ATP6V0A4: variants seen among roughly 807,000 people sequenced by gnomAD.
The protein encoded by ATP6V0A4 is ATPase H+ transporting V0 subunit a4, also known as V-type proton ATPase 116 kDa subunit a 4.
A neutral mutation model predicts 107.3 loss-of-function variants in ATP6V0A4; 86 were observed. The ratio of observed to expected loss-of-function variants is 0.80; its 90% confidence interval spans 0.67 to 0.96. The LOEUF (loss-of-function observed/expected upper bound fraction) is 0.96, where lower values mean the gene tolerates loss of function less well. Ranked by LOEUF, ATP6V0A4 falls within the 40% of genes least tolerant of loss-of-function variation. The pLI is 0.00. For synonymous variants in ATP6V0A4, 353 were observed against 381.4 expected, an observed-to-expected ratio of 0.93 and a Z score of 0.87; for missense variants, 908 against 1,045.6, an observed-to-expected ratio of 0.87 and a Z score of 1.81.
At chr7:138,788,597 C>T (rs1322437217) in intron 1 of ATP6V0A4, among the ~76,000 whole-genome samples, 1 of 152,198 alleles carries the variant, frequency 6.6e-6, no homozygotes, top group African/African-American at 2.4e-5. Flanking sequence ...TCTATAATAT[C>T]CTACTTTCCT....
chr7:138,777,984 G>A (rs1262741659), intron 2 of ATP6V0A4, among the ~76,000 whole-genome samples: 1 of 152,138 alleles, frequency 6.6e-6, no homozygotes, highest in Non-Finnish European at 1.5e-5. Flanking sequence ...CATGTGACAG[G>A]TCGCAATCAA....
At position 138,798,028 on chromosome 7, in the gene ATP6V0A4, A is replaced by T. The variant is rs1808770909; in HGVS notation, c.-121+6T>A. On this transcript the variant is annotated splice_donor_region_variant and intron_variant, in intron 1 of 21. Transcript: ENST00000310018. ...TTCCAGCTCCTGCAGGTGGGAGTCG[A>T]CTCACCTGCAGCAGGCACTCGGCAC... 1 of 1,551,980 alleles carries T rather than the reference A, an allele frequency of 6.4e-7. No individual in the cohort carries two copies. The highest frequency in any genetic ancestry group is 8.7e-7 in the Non-Finnish European group (1 of 1,147,758).
chr7:138,769,078 T>G, intron 4 of ATP6V0A4, 95 bp downstream of exon 4: 1 of 1,588,680 alleles, frequency 6.3e-7, no homozygotes, highest in Non-Finnish European at 8.5e-7. Flanking sequence ...GTATTGCAAA[T>G]AGGGACACAT....
chr7:138,769,801 G>A (rs1807285944), intron 3 of ATP6V0A4, among the ~76,000 whole-genome samples: 1 of 152,192 alleles, frequency 6.6e-6, no homozygotes. Context: ...GTCCTGGCCA[G>A]GTGCAGTTGC....
chr7:138,730,135 C>T (rs528390177), intron 17 of ATP6V0A4, among the ~76,000 whole-genome samples: 3 of 152,282 alleles, frequency 2.0e-5, no homozygotes, highest in South Asian at 2.1e-4. Context: ...CCGCCCGCCT[C>T]GGCCTCCCAA....
intron 5 of ATP6V0A4, 40 bp from the exon 6 acceptor site, chr7:138,763,065 G>A: frequency 6.2e-7 from 1 of 1,611,580 alleles, no homozygotes; most frequent in Non-Finnish European, 8.5e-7. Context: ...AACAGAAAGT[G>A]CTATGACATT....
chr7:138,711,225 T>C (rs2117181524), intron 20 of ATP6V0A4, among the ~76,000 whole-genome samples: 1 of 151,668 alleles, frequency 6.6e-6, no homozygotes, highest in Admixed American at 6.6e-5. Context: ...CTGAGGGGAG[T>C]GAAATCCAAG....
Position 138,755,727 on chromosome 7 carries a change from A to G in ATP6V0A4, c.778T>C (p.Leu260=). ...PEPAVERREM[L]ESVNVRLEDL... ...TCCAGCCTCACATTGACGCTCTCCAACATCTCTCTGCGCTCCACCGCAGGC... is the reference window on the plus strand; with the variant it reads ...TCCAGCCTCACATTGACGCTCTCCAGCATCTCTCTGCGCTCCACCGCAGGC... Residue 260 remains leucine (L), a synonymous_variant, in exon 10 of 22, where the codon TTG becomes CTG. Coordinates refer to ENST00000310018, the MANE Select transcript of ATP6V0A4 (RefSeq NM_020632.3). 1 of 1,613,860 alleles carries G rather than the reference A, an allele frequency of 6.2e-7. No homozygotes were observed. The highest frequency in any genetic ancestry group is 2.2e-5 in the East Asian group (1 of 44,884).
chr7:138,747,408 G>T lies in ATP6V0A4; in HGVS notation c.1320+17C>A, dbSNP rs200641150. On this transcript the variant is annotated intron_variant, in intron 13 of 21. Coordinates refer to ENST00000310018, the MANE Select transcript of ATP6V0A4 (RefSeq NM_020632.3). Reference sequence around the variant, plus strand: ...TTCTGAAAATGAATCAGGGCAAGACGGTCAATGGACACTCACCTCATTGTC... The same window carrying T: ...TTCTGAAAATGAATCAGGGCAAGACTGTCAATGGACACTCACCTCATTGTC... 6.2e-7 allele frequency: 1 copy of T among 1,612,530 alleles called. No individual in the cohort carries two copies. Among genetic ancestry groups the T allele is most frequent in the Non-Finnish European group, 8.5e-7 (1 of 1,178,650 alleles).
chr7:138,780,398 G>A (rs1377876731), intron 2 of ATP6V0A4, among the ~76,000 whole-genome samples: 1 of 152,166 alleles, frequency 6.6e-6, no homozygotes, highest in African/African-American at 2.4e-5. Flanking sequence ...GGCTCAGGTG[G>A]AAATGCCTAC....
intron 1 of ATP6V0A4, among the ~76,000 whole-genome samples, chr7:138,795,735 G>A (rs1808626054): frequency 6.6e-6 from 1 of 152,052 alleles, no homozygotes; most frequent in African/African-American, 2.4e-5. Flanking sequence ...CAACCTCCTG[G>A]GCTCAAGTGA....
Position 138,734,272 on chromosome 7 carries a change from C to CA in ATP6V0A4, c.1573-19dup, listed in dbSNP as rs759013681. 5.6e-6 allele frequency: 9 copies of CA among 1,612,130 alleles called. No homozygotes were observed. In the South Asian group the frequency reaches 6.6e-5, roughly 12 times the overall value. ...TTCCAAATCTGGATGGGAAATGGGACAAAAAACCAAGTGAGAGAGAGTCTT... is the reference window on the plus strand; with the variant it reads ...TTCCAAATCTGGATGGGAAATGGGACAAAAAAACCAAGTGAGAGAGAGTCTT... On this transcript the variant is annotated intron_variant, in intron 15 of 21. Transcript: ENST00000310018.
chr7:138,756,195 G>T (rs1030376932), intron 9 of ATP6V0A4, among the ~76,000 whole-genome samples: 1 of 152,228 alleles, frequency 6.6e-6, no homozygotes, highest in Non-Finnish European at 1.5e-5. Flanking sequence ...CTCTGGAGCA[G>T]CTGATGAAAA....
intron 14 of ATP6V0A4, among the ~76,000 whole-genome samples, chr7:138,739,993 C>G (rs1296498864): frequency 4.0e-5 from 6 of 151,186 alleles, no homozygotes; most frequent in Non-Finnish European, 8.8e-5. Context: ...ACTTGGGAGG[C>G]TGAGGCAGGA....
intron 2 of ATP6V0A4, among the ~76,000 whole-genome samples, chr7:138,778,739 TG>T: frequency 6.6e-6 from 1 of 151,338 alleles, no homozygotes; most frequent in Admixed American, 6.6e-5. Flanking sequence ...AAAGCCCAAG[TG>T]GGGAGCCTAG....
At chr7:138,779,208 T>G (rs1167885962) in intron 2 of ATP6V0A4, among the ~76,000 whole-genome samples, 1 of 151,768 alleles carries the variant, frequency 6.6e-6, no homozygotes, top group Non-Finnish European at 1.5e-5. Flanking sequence ...ATTAGCCAGG[T>G]TTGTGGTGTG....
chr7:138,751,231 T>C (rs1157795233), intron 11 of ATP6V0A4, among the ~76,000 whole-genome samples: 2 of 152,092 alleles, frequency 1.3e-5, no homozygotes, highest in Non-Finnish European at 2.9e-5. Flanking sequence ...AAAGGTCACC[T>C]CACCCTCGTT....
At chr7:138,726,525 G>A (rs953952235) in intron 18 of ATP6V0A4, among the ~76,000 whole-genome samples, 2 of 152,228 alleles carry the variant, frequency 1.3e-5, no homozygotes, top group African/African-American at 4.8e-5. Context: ...ACATTCTGCA[G>A]GGACCCAGGT....
At chr7:138,771,552 C>A (rs1014560941) in intron 2 of ATP6V0A4, among the ~76,000 whole-genome samples, 1 of 152,110 alleles carries the variant, frequency 6.6e-6, no homozygotes, top group Admixed American at 6.6e-5. Flanking sequence ...CAGGTGTGCA[C>A]CAGGATGCCC....
Sources: allele counts gnomAD v4.1 joint callset (sites outside exome capture counted in the v4.1 genomes callset), GRCh38; gene constraint gnomAD v4.1.1; transcripts MANE v1.5; gene names NCBI Gene and HGNC (gene_info 2026-07-23, HGNC 2026-07-21).